Variants in WNT3A observed in about 807,000 individuals in gnomAD.
WNT3A encodes protein Wnt-3a.
WNT3A carries 17 observed loss-of-function variants against 37.0 expected under a neutral mutation model. The ratio of observed to expected loss-of-function variants is 0.46; its 90% confidence interval spans 0.31 to 0.69. WNT3A has a LOEUF of 0.69. WNT3A is among the 30% of genes least tolerant of loss of function. The pLI is 0.05. For missense variants in WNT3A, 411 were observed against 510.2 expected (o/e 0.81, Z 1.87); for synonymous variants, 187 against 211.0 (o/e 0.89, Z 0.99).
At chr1:228,056,896 G>T (rs746863278) in intron 3 of WNT3A, among the ~76,000 whole-genome samples, 2 of 152,124 alleles carry the variant, frequency 1.3e-5, no homozygotes, top group Non-Finnish European at 2.9e-5. Context: ...ATGTAAAAAT[G>T]ATTTTAAGCC....
intron 3 of WNT3A, among the ~76,000 whole-genome samples, chr1:228,056,298 T>C (rs750910946): frequency 4.0e-5 from 6 of 151,842 alleles, no homozygotes; most frequent in Non-Finnish European, 7.4e-5. Context: ...ACAAACAAAC[T>C]CAAACAAAAT....
intron 1 of WNT3A, among the ~76,000 whole-genome samples, chr1:228,011,433 C>T (rs1385880112): frequency 3.3e-5 from 5 of 152,144 alleles, no homozygotes; most frequent in South Asian, 2.1e-4. Context: ...TCCCTTCGCC[C>T]GCATCTGTCT....
chr1:228,030,618 G>GT (rs966274085), intron 2 of WNT3A, among the ~76,000 whole-genome samples: 7 of 152,194 alleles, frequency 4.6e-5, no homozygotes, highest in Non-Finnish European at 8.8e-5. Flanking sequence ...TGGCTATGGT[G>GT]TTTTTTTAGA....
chr1:228,040,679 C>T (rs1008562147), intron 2 of WNT3A, among the ~76,000 whole-genome samples: 5 of 151,782 alleles, frequency 3.3e-5, no homozygotes, highest in African/African-American at 4.8e-5. Context: ...GTCAGGAGAT[C>T]GAGACCATCC....
intron 2 of WNT3A, among the ~76,000 whole-genome samples, chr1:228,049,020 T>C (rs1360798970): frequency 6.6e-6 from 1 of 152,192 alleles, no homozygotes; most frequent in Non-Finnish European, 1.5e-5. Context: ...AAGGAAGCTG[T>C]GTACAAGGAC....
At chr1:228,017,499 G>T (rs1036217067) in intron 1 of WNT3A, among the ~76,000 whole-genome samples, 1 of 152,132 alleles carries the variant, frequency 6.6e-6, no homozygotes, top group African/African-American at 2.4e-5. Context: ...GATGGCTTGA[G>T]TCCAGGAGTT....
intron 2 of WNT3A, among the ~76,000 whole-genome samples, chr1:228,026,022 G>C (rs998566175): frequency 1.9e-4 from 29 of 151,704 alleles, no homozygotes; most frequent in Middle Eastern, 3.4e-3. Flanking sequence ...GCCTTCCAAA[G>C]TGCTGGGGTT....
chr1:228,029,681 CT>C (rs1243449014), intron 2 of WNT3A, among the ~76,000 whole-genome samples: 3 of 152,116 alleles, frequency 2.0e-5, no homozygotes, highest in Admixed American at 2.0e-4. Context: ...CCCTGGGCCC[CT>C]GGCTGCCACC....
chr1:228,059,480 T>C lies in WNT3A; in HGVS notation c.*15T>C. On this transcript the variant is annotated 3_prime_UTR_variant, in exon 4 of 4. Transcript: ENST00000284523. ...CCTGCAAGTAGGCACCGGCCGCGGC[T>C]CCCCCTGGACGGGGCGGGCCCTGCC... is the stretch of plus-strand genomic sequence containing the variant. 1.3e-6 allele frequency: 2 copies of C among 1,489,492 alleles called. No homozygotes were observed. The highest frequency in any genetic ancestry group is 1.8e-6 in the Non-Finnish European group (2 of 1,126,424). 92.3% of individuals were successfully genotyped at this position (1,489,492 alleles called of 1,614,324 possible).
rs2030270527 is a variant in WNT3A at position 228,008,458 on chromosome 1, G to T, written c.71+1259G>T. 6.6e-6 allele frequency among the ~76,000 whole-genome samples: 1 copy of T among 152,234 alleles called. No homozygotes were observed. Among genetic ancestry groups the T allele is most frequent in the Non-Finnish European group, 1.5e-5 (1 of 68,038 alleles). ...GGAGCAGCGGGGAGGGGAAGGGGCA[G>T]CCCTAGGCAGCTGAAGGGCCTGGAA... On this transcript the variant is annotated intron_variant, in intron 1 of 3. Coordinates refer to ENST00000284523, the MANE Select transcript of WNT3A (RefSeq NM_033131.4). The surrounding 1 kb of genome is among the most constrained non-coding windows in gnomAD (Gnocchi z 4.9).
chr1:228,046,829 T>C (rs1178261266), intron 2 of WNT3A, among the ~76,000 whole-genome samples: 1 of 151,374 alleles, frequency 6.6e-6, no homozygotes, highest in East Asian at 1.9e-4. Context: ...CCTATATGTG[T>C]GTGTTTGCAT....
intron 1 of WNT3A, among the ~76,000 whole-genome samples, chr1:228,011,654 T>C (rs1161762762): frequency 6.6e-6 from 1 of 152,232 alleles, no homozygotes; most frequent in Non-Finnish European, 1.5e-5. Flanking sequence ...TTTTCATCTC[T>C]GTCTTTCTGT....
intron 2 of WNT3A, among the ~76,000 whole-genome samples, chr1:228,045,904 C>A (rs940710409): frequency 1.3e-5 from 2 of 152,244 alleles, no homozygotes; most frequent in African/African-American, 4.8e-5. Flanking sequence ...TGGGCTGGGC[C>A]TTGTGCTCCA....
At chr1:228,035,228 C>T (rs908486377) in intron 2 of WNT3A, among the ~76,000 whole-genome samples, 2 of 152,144 alleles carry the variant, frequency 1.3e-5, no homozygotes, top group Non-Finnish European at 2.9e-5. Context: ...TTTAAGTGTT[C>T]GACACACCAT....
At chr1:228,053,945 T>C (rs184546265) in intron 3 of WNT3A, among the ~76,000 whole-genome samples, 37 of 152,292 alleles carry the variant, frequency 2.4e-4, no homozygotes, top group Admixed American at 2.1e-3. Context: ...AGTGAGGAAT[T>C]AGCAGCCCCT....
rs143601420 is a variant in WNT3A, at chr1:228,010,897, C to T, written c.71+3698C>T. Among the ~76,000 whole-genome samples the T allele has an allele frequency of 7.0e-4, 107 of 152,330 alleles. 3 individuals carry two copies. The highest frequency in any genetic ancestry group is 3.1e-3 in the East Asian group (16 of 5,184). On this transcript the variant is annotated intron_variant, in intron 1 of 3. Coordinates refer to ENST00000284523, the MANE Select transcript of WNT3A (RefSeq NM_033131.4). Reference sequence around the variant, plus strand: ...ACAGAAGATGTAGGCCCTTTCAGGCCCCCACTCTCCTACACACTCATGGGT... The same window carrying T: ...ACAGAAGATGTAGGCCCTTTCAGGCTCCCACTCTCCTACACACTCATGGGT...
At chr1:228,021,301 T>C (rs1233013184) in intron 1 of WNT3A, among the ~76,000 whole-genome samples, 1 of 152,232 alleles carries the variant, frequency 6.6e-6, no homozygotes, top group African/African-American at 2.4e-5. Context: ...CTTAATTACA[T>C]TAATTTAAAC....
intron 2 of WNT3A, among the ~76,000 whole-genome samples, chr1:228,047,144 G>A (rs1342745754): frequency 3.3e-5 from 5 of 152,198 alleles, no homozygotes; most frequent in African/African-American, 1.2e-4. Flanking sequence ...TGAGCTGGTG[G>A]TGGGAAGTGG....
chr1:228,018,373 G>C (rs1198092175), intron 1 of WNT3A, among the ~76,000 whole-genome samples: 7 of 151,330 alleles, frequency 4.6e-5, no homozygotes, highest in African/African-American at 1.5e-4. Context: ...GAGCTTTTGG[G>C]GGCTGGTGTG....
Sources: gnomAD v4.1 joint callset for allele counts (sites outside exome capture counted in the v4.1 genomes callset) on GRCh38, gnomAD v4.1.1 for gene constraint, Gnocchi (gnomAD v3.1) non-coding constraint, MANE v1.5 for transcripts, NCBI Gene and HGNC (gene_info 2026-07-23, HGNC 2026-07-21) for gene names.